CFAP99: variants seen among roughly 807,000 people sequenced by gnomAD.
CFAP99 encodes cilia and flagella associated protein 99, also known as cilia- and flagella-associated protein 99.
CFAP99 carries 84 observed loss-of-function variants against 82.7 expected under a neutral mutation model. The observed-to-expected ratio is 1.02, with a 90% CI of 0.85 to 1.22. The LOEUF (loss-of-function observed/expected upper bound fraction) is 1.22. Ranked by LOEUF, CFAP99 falls within the 50% of genes most tolerant of loss-of-function variation. The probability of loss-of-function intolerance (pLI) is 0.00; values close to 1 mark genes in which losing one functional copy is unlikely to be tolerated. For missense variants in CFAP99, 1,059 were observed against 983.5 expected, an observed-to-expected ratio of 1.08 and a Z score of -1.03; for synonymous variants, 456 against 429.5, an observed-to-expected ratio of 1.06 and a Z score of -0.76.
chr4:2,462,663 T>C lies in CFAP99; in HGVS notation c.1882T>C (p.Trp628Arg). 1 of 1,268,220 alleles carries C rather than the reference T, an allele frequency of 7.9e-7. No homozygotes were observed. 78.6% of individuals were successfully genotyped at this position (1,268,220 alleles called of 1,614,324 possible). ...ACTGAAAGCCGGGGCCGGGTGGGGATGGCGGGCGCGGCGCGCAGGGACCGG... is the reference window on the plus strand; with the variant it reads ...ACTGAAAGCCGGGGCCGGGTGGGGACGGCGGGCGCGGCGCGCAGGGACCGG... The change falls in exon 15 of 15, where the codon TGG becomes CGG. Residue 628 changes from tryptophan (W) to arginine (R), a missense_variant. Trp to Arg is a moderately radical substitution (Grantham distance 101). Transcript: ENST00000635017. This position sits in a 1 kb window ranked among gnomAD's most constrained non-coding sequence, Gnocchi z 4.1.
intron 14 of CFAP99, among the ~76,000 whole-genome samples, chr4:2,460,899 C>G (rs553712200): frequency 6.6e-6 from 1 of 152,054 alleles, no homozygotes; most frequent in African/African-American, 2.4e-5. Context: ...CCACCACGCC[C>G]GGCTAACTTT....
chr4:2,442,726 C>T (rs1050195818), intron 4 of CFAP99, among the ~76,000 whole-genome samples: 2 of 152,202 alleles, frequency 1.3e-5, no homozygotes, highest in African/African-American at 4.8e-5. Flanking sequence ...GCTTCTCAGG[C>T]ACCCCCTCCC....
chr4:2,454,971 G>A (rs1734393917), intron 11 of CFAP99, among the ~76,000 whole-genome samples: 3 of 152,166 alleles, frequency 2.0e-5, no homozygotes, highest in South Asian at 2.1e-4. Context: ...CCAGGCTGGA[G>A]CGCAGTGGCA....
intron 2 of CFAP99, 74 bp from the exon 3 acceptor site, chr4:2,436,800 C>T (rs1238657609): frequency 4.0e-6 from 5 of 1,265,628 alleles, no homozygotes; most frequent in Non-Finnish European, 5.5e-6. Flanking sequence ...TGCCTTTGCC[C>T]AAGTGTCCCA....
intron 1 of CFAP99, among the ~76,000 whole-genome samples, chr4:2,423,186 G>A (rs1228804559): frequency 1.3e-5 from 2 of 152,190 alleles, no homozygotes; most frequent in Admixed American, 1.3e-4. Context: ...GCTTCCTGCT[G>A]CCAGCAGCCT....
exon 11 of CFAP99, chr4:2,452,275 G>A (rs1339608887): frequency 6.5e-7 from 1 of 1,535,946 alleles, no homozygotes; most frequent in South Asian, 1.2e-5. Flanking sequence ...GCTTAGCCAT[G>A]AGGAGGCCGT....
intron 5 of CFAP99, among the ~76,000 whole-genome samples, chr4:2,443,862 G>A (rs1344323734): frequency 6.6e-6 from 1 of 152,200 alleles, no homozygotes; most frequent in Non-Finnish European, 1.5e-5. Flanking sequence ...CAGTTGCTAG[G>A]GCCCTGCCTT....
At chr4:2,438,407 C>T (rs887060720) in intron 4 of CFAP99, among the ~76,000 whole-genome samples, 21 of 152,224 alleles carry the variant, frequency 1.4e-4, no homozygotes, top group African/African-American at 4.6e-4. Context: ...GGACTACAGG[C>T]GCCCGCCACC....
At chr4:2,441,854 T>TGC (rs1329337632) in intron 4 of CFAP99, among the ~76,000 whole-genome samples, 3 of 152,158 alleles carry the variant, frequency 2.0e-5, no homozygotes, top group African/African-American at 4.8e-5. Flanking sequence ...ACACCTTGGG[T>TGC]GCTGGTACCA....
intron 12 of CFAP99, 62 bp from the exon 13 acceptor site, chr4:2,459,045 T>C: frequency 1.4e-6 from 2 of 1,459,572 alleles, no homozygotes; most frequent in Non-Finnish European, 1.8e-6. Context: ...GGGAGGTGCC[T>C]TCCTGTCCAG....
At chr4:2,441,809 C>G (rs936579841) in intron 4 of CFAP99, among the ~76,000 whole-genome samples, 1 of 152,192 alleles carries the variant, frequency 6.6e-6, no homozygotes, top group African/African-American at 2.4e-5. Context: ...TACTGGGACG[C>G]CACCTTGTGG....
At chr4:2,456,191 T>C (rs1734428883) in intron 11 of CFAP99, among the ~76,000 whole-genome samples, 1 of 152,158 alleles carries the variant, frequency 6.6e-6, no homozygotes, top group African/African-American at 2.4e-5. Flanking sequence ...AGGTTTTTTT[T>C]GTTTTGTTTT....
chr4:2,432,864 G>C (rs1164797978), intron 2 of CFAP99, among the ~76,000 whole-genome samples: 1 of 152,230 alleles, frequency 6.6e-6, no homozygotes, highest in Non-Finnish European at 1.5e-5. Flanking sequence ...CCTGTAGCAA[G>C]GGCCTCTCCT....
chr4:2,439,910 C>T (rs1457720540), intron 4 of CFAP99, among the ~76,000 whole-genome samples: 12 of 151,622 alleles, frequency 7.9e-5, no homozygotes, highest in African/African-American at 2.9e-4. Context: ...GTGGTGCAAT[C>T]TCGGCTCACT....
At chr4:2,439,014 C>T (rs985350521) in intron 4 of CFAP99, among the ~76,000 whole-genome samples, 6 of 152,304 alleles carry the variant, frequency 3.9e-5, no homozygotes, top group Non-Finnish European at 7.4e-5. Flanking sequence ...AGCCCACGCC[C>T]CTGACTGCCT....
chr4:2,445,168 G>C (rs1213149740), exon 6 of CFAP99: 7 of 1,412,066 alleles, frequency 5.0e-6, no homozygotes, highest in Non-Finnish European at 6.4e-6. Context: ...CAACCACCTG[G>C]AGGGCGTGTC....
chr4:2,429,267 G>A (rs558173346), intron 2 of CFAP99: 7 of 152,300 alleles, frequency 4.6e-5, no homozygotes, highest in East Asian at 3.9e-4. Context: ...AAGTGGTAAA[G>A]TTCATGTCTT....
chr4:2,443,627 G>T (rs906856369), intron 5 of CFAP99, among the ~76,000 whole-genome samples: 4 of 152,186 alleles, frequency 2.6e-5, no homozygotes, highest in Non-Finnish European at 5.9e-5. Context: ...GGACTCTGCA[G>T]GGCCTTTGGC....
In CFAP99 at chr4:2,462,333, C is replaced by A; in HGVS notation, c.1662-110C>A. On this transcript the variant is annotated intron_variant, in intron 14 of 14. Transcript: ENST00000635017. This position sits in a 1 kb window ranked among gnomAD's most constrained non-coding sequence, Gnocchi z 4.1. ...TGTCCTAAATCATTCCGGTGAACCT[C>A]TCCGGCTGCGTAGCTCCTTGCCCCC... is the stretch of plus-strand genomic sequence containing the variant. 2 of 1,127,104 alleles carry A rather than the reference C, an allele frequency of 1.8e-6. No homozygotes were observed. The highest frequency in any genetic ancestry group is 2.3e-6 in the Non-Finnish European group (2 of 855,402). 69.8% of individuals were successfully genotyped at this position (1,127,104 alleles called of 1,614,324 possible).
Sources: gnomAD v4.1 joint callset for allele counts (sites outside exome capture counted in the v4.1 genomes callset) on GRCh38, gnomAD v4.1.1 for gene constraint, Gnocchi (gnomAD v3.1) non-coding constraint, MANE v1.5 for transcripts, NCBI Gene and HGNC (gene_info 2026-07-23, HGNC 2026-07-21) for gene names.